The following SLC48A1 variants were observed in gnomAD, a reference collection of about 807,000 sequenced individuals.
SLC48A1 encodes the protein solute carrier family 48 member 1, also known as heme transporter HRG1.
Under a neutral mutation model 14.8 loss-of-function variants are expected in SLC48A1, and 6 were observed. That is an observed-to-expected ratio of 0.41 (90% CI 0.22 to 0.80). The LOEUF (loss-of-function observed/expected upper bound fraction) is 0.80. SLC48A1 is among the 30% of genes least tolerant of loss of function. The pLI is 0.34. For synonymous variants in SLC48A1, 89 were observed against 90.0 expected, an observed-to-expected ratio of 0.99 and a Z score of 0.06; for missense variants, 165 against 204.8, an observed-to-expected ratio of 0.81 and a Z score of 1.19.
chr12:47,773,465 G>T (rs1383617492), intron 1 of SLC48A1, 25 bp downstream of exon 1: 2 of 1,311,228 alleles, frequency 1.5e-6, no homozygotes, highest in Non-Finnish European at 2.0e-6. Context: ...TGGGCGGCGC[G>T]GGGCGGGTGC....
chr12:47,767,997 A>C (rs1942552566), upstream of SLC48A1, among the ~76,000 whole-genome samples: 1 of 151,856 alleles, frequency 6.6e-6, no homozygotes, highest in African/African-American at 2.4e-5. Context: ...TTTTTTCTTG[A>C]GACGGAGTCT....
Position 47,774,014 on chromosome 12 carries a change from G to T in SLC48A1, c.136+574G>T, listed in dbSNP as rs372399392. Among the ~76,000 whole-genome samples the T allele has an allele frequency of 9.8e-5, 15 of 152,368 alleles. No individual in the cohort carries two copies. The East Asian group carries it at 1.7e-3, about 18-fold the overall frequency. On this transcript the variant is annotated intron_variant, in intron 1 of 2. Transcript: ENST00000442218. ...CTCTGCTGAGACCCACAGGGAGGAC[G>T]GCGTTAGGGATCTCATAGAAACTGG...
At chr12:47,773,165 C>T (rs1034727498), upstream of SLC48A1, 13 of 982,332 alleles carry the variant, frequency 1.3e-5, no homozygotes, top group African/African-American at 2.1e-4. Flanking sequence ...GCTGTGCGGG[C>T]GGCGCTGGGG....
rs868359582 is a variant in SLC48A1, at chr12:47,780,097, C to T, written c.305-48C>T. 21 of 1,488,326 alleles carry T rather than the reference C, an allele frequency of 1.4e-5. No individual in the cohort carries two copies. The African/African-American group carries it at 2.4e-4, about 17-fold the overall frequency. The allele number at this position is 1,488,326 out of a possible 1,614,324, so 92.2% of individuals were successfully genotyped here. ...CTGGCCTTGTGGCCGGTGCAGAGGC[C>T]GAGGGCAGGGCCTGCCAAAGTCACT... is the stretch of plus-strand genomic sequence containing the variant. On this transcript the variant is annotated intron_variant, in intron 2 of 2. Transcript: ENST00000442218.
chr12:47,778,983 C>G, intron 1 of SLC48A1, 45 bp from the exon 2 acceptor site: 2 of 1,534,692 alleles, frequency 1.3e-6, no homozygotes, highest in South Asian at 1.2e-5. Context: ...ATCTGCAGGG[C>G]TCTGGAGCAC....
intron 2 of SLC48A1, among the ~76,000 whole-genome samples, chr12:47,761,056 G>T (rs1484182351): frequency 1.3e-5 from 2 of 152,126 alleles, no homozygotes; most frequent in African/African-American, 4.8e-5. Context: ...AATTAGCCAG[G>T]CGTGGTGGCG....
chr12:47,763,100 T>G lies in SLC48A1; in HGVS notation c.-187+2699T>G, dbSNP rs185931573. Among the ~76,000 whole-genome samples the G allele has an allele frequency of 4.7e-3, 709 of 152,330 alleles. 4 individuals are homozygous for G. Among genetic ancestry groups the G allele is most frequent in the Non-Finnish European group, 7.9e-3 (539 of 68,026 alleles). On this transcript the variant is annotated intron_variant, in intron 2 of 4. Transcript: ENST00000547002. ...TGAAATGAACAGGAACAGTGGGCAG[T>G]CAGCTGGTGCCTGCTATGGGCCTGT... is the stretch of plus-strand genomic sequence containing the variant.
chr12:47,779,265 C>A, intron 2 of SLC48A1, 70 bp downstream of exon 2: 1 of 1,489,540 alleles, frequency 6.7e-7, no homozygotes, highest in Non-Finnish European at 9.0e-7. Context: ...CATTCCCATC[C>A]TGGTTCCACA....
In SLC48A1 at chr12:47,760,327, G is replaced by C. The variant is rs192564363; in HGVS notation, c.-261G>C. 2.4e-5 allele frequency: 24 copies of C among 985,432 alleles called. No homozygotes were observed. In the Admixed American group the frequency reaches 4.9e-4, roughly 20 times the overall value. 61.0% of individuals were successfully genotyped at this position (985,432 alleles called of 1,614,324 possible). A position where few individuals can be genotyped will look rare whatever the true frequency, so the allele number is the denominator to read the frequency against. On this transcript the variant is annotated 5_prime_UTR_variant, in exon 2 of 5. Coordinates refer to the SLC48A1 transcript ENST00000547002. ...GACCTCAGACCCAAATCCATTCAAC[G>C]GAGTTCTGGTAATTTGGAAGAAGGA...
chr12:47,758,508 G>A (rs373818402), upstream of SLC48A1: 8 of 1,600,726 alleles, frequency 5.0e-6, no homozygotes, highest in East Asian at 2.2e-5. Context: ...TTCCTCTCCC[G>A]CCCTCTCCTG....
In SLC48A1 at chr12:47,780,355, C is replaced by T. The variant is rs768752925; in HGVS notation, c.*74C>T. 6.2e-7 allele frequency: 1 copy of T among 1,605,754 alleles called. No individual in the cohort carries two copies. Among genetic ancestry groups the T allele is most frequent in the Non-Finnish European group, 8.5e-7 (1 of 1,172,654 alleles). Reference sequence around the variant, plus strand: ...TCAGCCTCTGAGATGTTGGGAGAGGCTACTCCCACCCCCTGGTGACCCCAG... The same window carrying T: ...TCAGCCTCTGAGATGTTGGGAGAGGTTACTCCCACCCCCTGGTGACCCCAG... On this transcript the variant is annotated 3_prime_UTR_variant, in exon 3 of 3. Coordinates refer to ENST00000442218, the MANE Select transcript of SLC48A1 (RefSeq NM_017842.3).
chr12:47,754,720 C>T (rs1295373936), upstream of SLC48A1, among the ~76,000 whole-genome samples: 1 of 152,142 alleles, frequency 6.6e-6, no homozygotes, highest in Non-Finnish European at 1.5e-5. Context: ...TCATGATGGG[C>T]CCTATTACCA....
intron 1 of SLC48A1, chr12:47,759,208 G>A: frequency 1.6e-6 from 1 of 642,896 alleles, no homozygotes; most frequent in Non-Finnish European, 1.9e-6. Flanking sequence ...AAGGAAACCG[G>A]GGAGAGCGGG....
intron 2 of SLC48A1, among the ~76,000 whole-genome samples, chr12:47,762,377 C>T (rs992439430): frequency 6.6e-6 from 1 of 152,162 alleles, no homozygotes; most frequent in African/African-American, 2.4e-5. Flanking sequence ...GGAGGCCTCT[C>T]CTCCTGCTCT....
upstream of SLC48A1, among the ~76,000 whole-genome samples, chr12:47,767,943 G>A (rs74239177): frequency 9.9e-3 from 1,509 of 152,284 alleles, 50 homozygotes; most frequent in East Asian, 0.14. Context: ...AAGCAGGGGA[G>A]TACCATGTTC....
upstream of SLC48A1, chr12:47,753,972 T>A (rs1941907360): frequency 6.6e-6 from 1 of 152,212 alleles, no homozygotes; most frequent in African/African-American, 2.4e-5. Context: ...AAGGAATCCC[T>A]CTCATTTTGA....
intron 2 of SLC48A1, among the ~76,000 whole-genome samples, chr12:47,760,630 G>A (rs1334202491): frequency 6.6e-6 from 1 of 152,156 alleles, no homozygotes; most frequent in Non-Finnish European, 1.5e-5. Context: ...ATCTAATCAT[G>A]TGCGGGCACT....
upstream of SLC48A1, chr12:47,769,023 T>C (rs1942573671): frequency 6.6e-6 from 1 of 152,226 alleles, no homozygotes; most frequent in African/African-American, 2.4e-5. Flanking sequence ...TTCTTTCCAT[T>C]ATGTGGTACA....
chr12:47,770,319 TCTC>T (rs915648609), upstream of SLC48A1, among the ~76,000 whole-genome samples: 2 of 152,218 alleles, frequency 1.3e-5, no homozygotes, highest in African/African-American at 2.4e-5. Context: ...ATATTTTTGC[TCTC>T]CTCCTTCTGT....
Sources: gnomAD v4.1 joint callset for allele counts (sites outside exome capture counted in the v4.1 genomes callset) on GRCh38, gnomAD v4.1.1 for gene constraint, MANE v1.5 for transcripts, NCBI Gene and HGNC (gene_info 2026-07-23, HGNC 2026-07-21) for gene names.